The following DYNC2H1 variants were observed in gnomAD, a reference collection of about 807,000 sequenced individuals.
DYNC2H1 encodes the protein cytoplasmic dynein 2 heavy chain 1.
DYNC2H1 carries 410 observed loss-of-function variants against 570.0 expected under a neutral mutation model. The observed-to-expected ratio is 0.72, with a 90% CI of 0.66 to 0.78. DYNC2H1 has a LOEUF of 0.78. DYNC2H1 is among the 30% of genes least tolerant of loss of function. The pLI, the probability that DYNC2H1 is intolerant of heterozygous loss-of-function variation, is 0.00. For missense variants in DYNC2H1, 4,865 were observed against 5,046.4 expected, an observed-to-expected ratio of 0.96 and a Z score of 1.09; for synonymous variants, 1,688 against 1,677.6, an observed-to-expected ratio of 1.01 and a Z score of -0.15.
rs994362377 is a variant in DYNC2H1 at position 103,155,501 on chromosome 11, A to G, written c.3744A>G (p.Lys1248=). The G allele has an allele frequency of 4.4e-6, 7 of 1,602,850 alleles. No homozygotes were observed. The highest frequency in any genetic ancestry group is 1.7e-4 in the Middle Eastern group (1 of 6,042). ...DTIVAKAADL[K]DLNSRAQGEV... is the part of the protein sequence containing the mutation. ...TTGTAGCCAAAGCTGCCGACCTTAA[A>G]GTATGAATCACTTTTATAAATATCC... The change falls in exon 25 of 89, where the codon AAA becomes AAG. Residue 1248 remains lysine, a splice_region_variant and synonymous_variant. Transcript: ENST00000375735.
intron 65 of DYNC2H1, among the ~76,000 whole-genome samples, chr11:103,251,314 T>A (rs1864821595): frequency 6.6e-6 from 1 of 152,192 alleles, no homozygotes; most frequent in Non-Finnish European, 1.5e-5. Context: ...TAGAGTCTGA[T>A]ATTAGAGTGG....
chr11:103,182,318 A>G (rs906530312), intron 40 of DYNC2H1, among the ~76,000 whole-genome samples: 1 of 151,030 alleles, frequency 6.6e-6, no homozygotes, highest in African/African-American at 2.4e-5. Flanking sequence ...ACCTATATAT[A>G]TGTCACATAT....
rs1862066558 is a variant in DYNC2H1 at position 103,186,300 on chromosome 11, A to G, written c.6692A>G (p.Tyr2231Cys). Residue 2231 changes from tyrosine to cysteine, a missense_variant, in exon 42 of 89, where the codon TAT becomes TGT. Tyr to Cys is a radical substitution (Grantham distance 194). Transcript: ENST00000375735. This position sits in a 1 kb window ranked among gnomAD's most constrained non-coding sequence, Gnocchi z 4.5. ...PDFHKPMDTYYDSTRGRLATY... is the reference protein window; with the variant it reads ...PDFHKPMDTYCDSTRGRLATY... ...TTTCACAAACCTATGGATACCTACT[A>G]TGACTCTACTAGGGGTCGATTAGCA... 2 of 1,612,546 alleles carry G rather than the reference A, an allele frequency of 1.2e-6. No homozygotes were observed. The highest frequency in any genetic ancestry group is 1.7e-6 in the Non-Finnish European group (2 of 1,179,072).
chr11:103,375,577 A>G (rs559068584), intron 83 of DYNC2H1, among the ~76,000 whole-genome samples: 61 of 152,368 alleles, frequency 4.0e-4, no homozygotes, highest in Middle Eastern at 3.4e-3. Flanking sequence ...CTCTTGCATC[A>G]GCATGGCTTA....
chr11:103,459,725 G>A (rs1944937330), intron 87 of DYNC2H1, among the ~76,000 whole-genome samples: 1 of 151,740 alleles, frequency 6.6e-6, no homozygotes, highest in South Asian at 2.1e-4. Flanking sequence ...GGCCGAGGCG[G>A]GTGGATCATG....
At chr11:103,388,228 AAG>A (rs59708263) in intron 83 of DYNC2H1, among the ~76,000 whole-genome samples, 99,869 of 149,892 alleles carry the variant, frequency 0.67, 33,235 homozygotes, top group Admixed American at 0.72. Context: ...CATCCCTTGT[AAG>A]TTGGATTCCT....
rs896243672 is a variant in DYNC2H1 at position 103,186,749 on chromosome 11, A to G, written c.6893+248A>G. On this transcript the variant is annotated intron_variant, in intron 42 of 88. Coordinates refer to ENST00000375735, the MANE Select transcript of DYNC2H1 (RefSeq NM_001377.3). This position sits in a 1 kb window ranked among gnomAD's most constrained non-coding sequence, Gnocchi z 4.5. ...AGATACTCTTAAAAATTATCCGTCC[A>G]TATAATACAGCAAAAAAAAAAAAAA... Among the ~76,000 whole-genome samples, 2 of 141,662 alleles carry G rather than the reference A, an allele frequency of 1.4e-5. No individual in the cohort carries two copies. Among genetic ancestry groups the G allele is most frequent in the Non-Finnish European group, 3.1e-5 (2 of 64,952 alleles). The allele number at this position is 141,662 out of a possible 152,430, so 92.9% of individuals were successfully genotyped here.
Position 103,329,876 on chromosome 11 carries a change from G to A in DYNC2H1, c.12039+5886G>A, listed in dbSNP as rs375758949. ...ATCTTAAAATATTTTTGCTATTAGC[G>A]TTTTTGGCTATAGGTATTTCAGTAT... On this transcript the variant is annotated intron_variant, in intron 82 of 88. Coordinates refer to ENST00000375735, the MANE Select transcript of DYNC2H1 (RefSeq NM_001377.3). 6.9e-4 allele frequency among the ~76,000 whole-genome samples: 105 copies of A among 152,086 alleles called. 1 individual carries two copies. In the East Asian group the frequency reaches 0.012, roughly 18 times the overall value.
At chr11:103,352,868 A>G (rs2671342) in intron 82 of DYNC2H1, among the ~76,000 whole-genome samples, 83,472 of 152,072 alleles carry the variant, frequency 0.55, 24,797 homozygotes, top group Admixed American at 0.66. Flanking sequence ...CTGTAGCACT[A>G]TTCACAATAG....
intron 87 of DYNC2H1, among the ~76,000 whole-genome samples, chr11:103,464,275 T>G (rs1945120808): frequency 1.3e-5 from 2 of 152,088 alleles, no homozygotes; most frequent in Non-Finnish European, 2.9e-5. Flanking sequence ...AAATGAAAAA[T>G]GTAGTCTTTA....
At chr11:103,478,959 G>A in intron 88 of DYNC2H1, 136 bp from the exon 89 acceptor site, 1 of 970,856 alleles carries the variant, frequency 1.0e-6, no homozygotes, top group Non-Finnish European at 1.5e-6. Flanking sequence ...TTGTTGCAGG[G>A]GGATGATAGG....
rs558386657 is a variant in DYNC2H1, at chr11:103,450,756, A to T, written c.12457-4430A>T. 4.4e-4 allele frequency among the ~76,000 whole-genome samples: 67 copies of T among 152,336 alleles called. No individual in the cohort carries two copies. The Middle Eastern group carries it at 0.017, about 39-fold the overall frequency. ...GGAACACAGTGCATTAAAACAAAGT[A>T]AAATGGCATCAGTTTATAAATAACA... On this transcript the variant is annotated intron_variant, in intron 85 of 88. Coordinates refer to ENST00000375735, the MANE Select transcript of DYNC2H1 (RefSeq NM_001377.3).
Position 103,385,276 on chromosome 11 carries a change from C to T in DYNC2H1, c.12157-14387C>T, listed in dbSNP as rs551742927. On this transcript the variant is annotated intron_variant, in intron 83 of 88. Transcript: ENST00000375735. Reference sequence around the variant, plus strand: ...AAATTTTGACTACTTCACTATCTCTCTTTTCTGGAACTCTGATATTGGATG... The same window carrying T: ...AAATTTTGACTACTTCACTATCTCTTTTTTCTGGAACTCTGATATTGGATG... Among the ~76,000 whole-genome samples the T allele has an allele frequency of 5.3e-4, 80 of 152,208 alleles. 1 individual carries two copies. The South Asian group carries it at 0.016, about 30-fold the overall frequency.
At chr11:103,309,330 A>G (rs1867461439) in intron 78 of DYNC2H1, among the ~76,000 whole-genome samples, 1 of 149,368 alleles carries the variant, frequency 6.7e-6, no homozygotes. Context: ...GCTTCACCAC[A>G]CCCAGATAAT....
chr11:103,182,042 A>G (rs1381647962), intron 40 of DYNC2H1, among the ~76,000 whole-genome samples, 156 bp downstream of exon 40: 5 of 151,666 alleles, frequency 3.3e-5, no homozygotes, highest in Admixed American at 2.6e-4. Context: ...CTCTTAGCAT[A>G]ACTGTTATAT....
intron 43 of DYNC2H1, 136 bp from the exon 44 acceptor site, chr11:103,188,361 C>T (rs954397886): frequency 2.1e-5 from 12 of 575,622 alleles, no homozygotes; most frequent in Admixed American, 3.2e-5. Context: ...TTTAAGATAC[C>T]ATTTAATCTA....
At position 103,168,931 on chromosome 11, in the gene DYNC2H1, T is replaced by G; in HGVS notation, c.4939T>G (p.Ser1647Ala). The G allele has an allele frequency of 6.2e-7, 1 of 1,612,122 alleles. No individual in the cohort carries two copies. The highest frequency in any genetic ancestry group is 1.1e-5 in the South Asian group (1 of 90,614). Residue 1647 changes from serine to alanine, a missense_variant, in exon 32 of 89, where the codon TCT becomes GCT. This residue lies in a region of DYNC2H1 where 1,936 missense variants were observed against 1,962.1 expected (regional missense o/e 0.99). Coordinates refer to ENST00000375735, the MANE Select transcript of DYNC2H1 (RefSeq NM_001377.3). ...DHTCCVQMVDSEFQYTYEYQG... is the reference protein window; with the variant it reads ...DHTCCVQMVDAEFQYTYEYQG... ...TACATGTTGTGTTCAAATGGTGGATTCTGAATTTCAGTATACTTATGAATA... is the reference window on the plus strand; with the variant it reads ...TACATGTTGTGTTCAAATGGTGGATGCTGAATTTCAGTATACTTATGAATA...
At position 103,236,551 on chromosome 11, in the gene DYNC2H1, A is replaced by G; in HGVS notation, c.9819+12A>G. The G allele has an allele frequency of 7.1e-7, 1 of 1,403,886 alleles. No individual in the cohort carries two copies. Among genetic ancestry groups the G allele is most frequent in the South Asian group, 1.3e-5 (1 of 77,192 alleles). 87.0% of individuals were successfully genotyped at this position (1,403,886 alleles called of 1,614,324 possible). The stretch of plus-strand genomic sequence containing the variant: ...TTGTAATATTACAGGTAGTTAATTT[A>G]TTTTAATTTTTTTATTAGAAATGTT... On this transcript the variant is annotated intron_variant, in intron 63 of 88. Coordinates refer to ENST00000375735, the MANE Select transcript of DYNC2H1 (RefSeq NM_001377.3).
At chr11:103,278,374 A>G (rs1865992761) in intron 70 of DYNC2H1, among the ~76,000 whole-genome samples, 1 of 152,182 alleles carries the variant, frequency 6.6e-6, no homozygotes, top group African/African-American at 2.4e-5. Flanking sequence ...TGCTTCAGAT[A>G]CATTATCTAA....
Sources: gnomAD v4.1 joint callset for allele counts (sites outside exome capture counted in the v4.1 genomes callset) on GRCh38, gnomAD v4.1.1 for gene constraint, gnomAD v4.1.1 regional missense constraint, Gnocchi (gnomAD v3.1) non-coding constraint, MANE v1.5 for transcripts, NCBI Gene and HGNC (gene_info 2026-07-23, HGNC 2026-07-21) for gene names.